The following DCAF12 variants were observed in gnomAD, a reference collection of about 807,000 sequenced individuals.
DCAF12 encodes DDB1- and CUL4-associated factor 12.
In DCAF12, 28 loss-of-function variants were observed where a neutral mutation model predicts 52.8. The observed-to-expected ratio is 0.53, with a 90% CI of 0.39 to 0.73. DCAF12 has a LOEUF of 0.73. Among genes scored for constraint, DCAF12 ranks in the 30% least tolerant of loss-of-function variants. DCAF12 has a pLI of 0.00. For synonymous variants in DCAF12, 196 were observed against 215.5 expected (o/e 0.91, Z 0.79); for missense variants, 425 against 552.2 (o/e 0.77, Z 2.31).
intron 6 of DCAF12, chr9:34,095,983 T>C (rs764347384): frequency 5.3e-5 from 8 of 152,124 alleles, no homozygotes; most frequent in Non-Finnish European, 8.8e-5. Context: ...AAGACTTTCC[T>C]GCAAGAGAGG....
At chr9:34,113,372 T>C (rs1050421773) in intron 2 of DCAF12, among the ~76,000 whole-genome samples, 3 of 151,924 alleles carry the variant, frequency 2.0e-5, no homozygotes, top group African/African-American at 7.3e-5. Flanking sequence ...CTTATTTTTT[T>C]CTGAAACAGA....
intron 8 of DCAF12, 120 bp downstream of exon 8, chr9:34,089,292 T>G: frequency 4.3e-6 from 5 of 1,162,430 alleles, no homozygotes; most frequent in Non-Finnish European, 5.9e-6. Flanking sequence ...CCTGTTCCAA[T>G]GAGTGCCTCT....
intron 2 of DCAF12, among the ~76,000 whole-genome samples, chr9:34,119,254 G>A (rs1316375155): frequency 1.3e-5 from 2 of 152,142 alleles, no homozygotes; most frequent in Non-Finnish European, 2.9e-5. Context: ...TGAAATAACA[G>A]TTTTAAAAGA....
intron 2 of DCAF12, among the ~76,000 whole-genome samples, chr9:34,111,751 G>A (rs1024541830): frequency 1.3e-5 from 2 of 152,106 alleles, no homozygotes; most frequent in Non-Finnish European, 2.9e-5. Flanking sequence ...GATTCTTTAG[G>A]GAATATGTAA....
chr9:34,112,904 AT>A (rs1454983666), intron 2 of DCAF12, among the ~76,000 whole-genome samples: 1 of 152,198 alleles, frequency 6.6e-6, no homozygotes, highest in African/African-American at 2.4e-5. Flanking sequence ...GTCTCAAAAA[AT>A]AAACTAATAA....
chr9:34,110,082 A>C (rs563540135), intron 2 of DCAF12: 19 of 151,552 alleles, frequency 1.3e-4, no homozygotes, highest in African/African-American at 4.3e-4. Context: ...GAGAGAAAGG[A>C]GTAGCTAGAA....
intron 2 of DCAF12, among the ~76,000 whole-genome samples, chr9:34,123,232 C>G (rs1161070662): frequency 1.3e-5 from 2 of 152,210 alleles, no homozygotes; most frequent in Admixed American, 6.5e-5. Flanking sequence ...TCTCCCACCT[C>G]TGAAATCTTC....
In DCAF12 at chr9:34,125,179, A is replaced by G. The variant is rs773908031; in HGVS notation, c.177T>C (p.Asn59=). The change falls in exon 2 of 9, where the codon AAT becomes AAC. Residue 59 remains asparagine, a synonymous_variant. Coordinates refer to ENST00000361264, the MANE Select transcript of DCAF12 (RefSeq NM_015397.4). Reference sequence around the variant, plus strand: ...GCAACACTCGAGAGTAGCTGGTTTCATTCTGTAGCCTGACTTCCCGGTTCT... The same window carrying G: ...GCAACACTCGAGAGTAGCTGGTTTCGTTCTGTAGCCTGACTTCCCGGTTCT... ...YLKNREVRLQ[N]ETSYSRVLHG... 6.2e-7 allele frequency: 1 copy of G among 1,614,174 alleles called. No individual in the cohort carries two copies. Among genetic ancestry groups the G allele is most frequent in the Admixed American group, 1.7e-5 (1 of 60,014 alleles).
At chr9:34,107,307 G>T in intron 3 of DCAF12, 52 bp downstream of exon 3, 1 of 1,552,792 alleles carries the variant, frequency 6.4e-7, no homozygotes, top group South Asian at 1.1e-5. Flanking sequence ...TAATCACTGA[G>T]ACCCGTTTAA....
intron 2 of DCAF12, among the ~76,000 whole-genome samples, 179 bp downstream of exon 2, chr9:34,124,844 G>C (rs891430633): frequency 1.3e-5 from 2 of 152,178 alleles, no homozygotes; most frequent in Admixed American, 1.3e-4. Context: ...GAAAAGAAAT[G>C]TATGAGTGAA....
intron 2 of DCAF12, among the ~76,000 whole-genome samples, chr9:34,115,640 G>C (rs992268435): frequency 2.0e-5 from 3 of 150,794 alleles, no homozygotes; most frequent in African/African-American, 7.3e-5. Context: ...GGACCCTATA[G>C]TCTCTGCAGT....
At position 34,122,817 on chromosome 9, in the gene DCAF12, G is replaced by A. The variant is rs115748306; in HGVS notation, c.333+2206C>T. Among the ~76,000 whole-genome samples, 899 of 152,262 alleles carry A rather than the reference G, an allele frequency of 5.9e-3. 6 individuals are homozygous for A. Among genetic ancestry groups the A allele is most frequent in the African/African-American group, 0.02 (850 of 41,550 alleles). On this transcript the variant is annotated intron_variant, in intron 2 of 8. Coordinates refer to ENST00000361264, the MANE Select transcript of DCAF12 (RefSeq NM_015397.4). ...TAACACTAGGCTCAAATTCCTACAC[G>A]GCAACAGTTGGTTAAAGTCAAGAAT...
chr9:34,097,223 T>C (rs1472373228), intron 5 of DCAF12, among the ~76,000 whole-genome samples: 1 of 151,596 alleles, frequency 6.6e-6, no homozygotes, highest in East Asian at 1.9e-4. Flanking sequence ...TGGAGAAGCC[T>C]TTCTCTGGCT....
chr9:34,125,183 T>C lies in DCAF12; in HGVS notation c.173A>G (p.Gln58Arg), dbSNP rs761100110. 1 of 1,614,216 alleles carries C rather than the reference T, an allele frequency of 6.2e-7. No individual in the cohort carries two copies. Among genetic ancestry groups the C allele is most frequent in the Non-Finnish European group, 8.5e-7 (1 of 1,180,044 alleles). The stretch of plus-strand genomic sequence containing the variant: ...CACTCGAGAGTAGCTGGTTTCATTC[T>C]GTAGCCTGACTTCCCGGTTCTTCAA... Reference protein sequence around the residue: ...YYLKNREVRLQNETSYSRVLH... With the variant: ...YYLKNREVRLRNETSYSRVLH... Residue 58 changes from glutamine (Q) to arginine (R), a missense_variant, in exon 2 of 9, where the codon CAG becomes CGG. This residue lies in a region of DCAF12 where 89 missense variants were observed against 84.9 expected (regional missense o/e 1.05). Coordinates refer to ENST00000361264, the MANE Select transcript of DCAF12 (RefSeq NM_015397.4).
intron 4 of DCAF12, among the ~76,000 whole-genome samples, chr9:34,105,156 A>G (rs1047724289): frequency 2.0e-5 from 3 of 151,736 alleles, no homozygotes; most frequent in Non-Finnish European, 4.4e-5. Flanking sequence ...AGGAGGCTGA[A>G]GCAGGGGAAT....
At chr9:34,100,905 CTAGGAT>C (rs1441953973) in intron 4 of DCAF12, among the ~76,000 whole-genome samples, 1 of 151,730 alleles carries the variant, frequency 6.6e-6, no homozygotes, top group Non-Finnish European at 1.5e-5. Context: ...TCTCAAAGTG[CTAGGAT>C]TAAAGGCATG....
intron 2 of DCAF12, among the ~76,000 whole-genome samples, chr9:34,122,586 C>T (rs1829192100): frequency 6.6e-6 from 1 of 151,318 alleles, no homozygotes; most frequent in Non-Finnish European, 1.5e-5. Context: ...AAGCAATTCT[C>T]CTGCCTCAGC....
intron 2 of DCAF12, among the ~76,000 whole-genome samples, chr9:34,114,131 T>C (rs531989057): frequency 3.3e-5 from 5 of 151,910 alleles, no homozygotes; most frequent in Admixed American, 1.3e-4. Flanking sequence ...GTGGCACAGA[T>C]ACACAATGCA....
At chr9:34,120,951 C>T (rs531978610) in intron 2 of DCAF12, among the ~76,000 whole-genome samples, 233 of 151,404 alleles carry the variant, frequency 1.5e-3, no homozygotes, top group Middle Eastern at 6.9e-3. Context: ...GTCAGGAGTT[C>T]GAGACCAGCC....
Sources: allele counts gnomAD v4.1 joint callset (sites outside exome capture counted in the v4.1 genomes callset), GRCh38; gene constraint gnomAD v4.1.1; regional missense constraint gnomAD v4.1.1; transcripts MANE v1.5; gene names NCBI Gene and HGNC (gene_info 2026-07-23, HGNC 2026-07-21).